The following XIAP variants were observed in gnomAD, a reference collection of about 807,000 sequenced individuals.
The protein encoded by XIAP is E3 ubiquitin-protein ligase XIAP.
In XIAP, 3 loss-of-function variants were observed where a neutral mutation model predicts 33.1. The observed-to-expected ratio is 0.09, with a 90% CI of 0.04 to 0.23. XIAP has a LOEUF of 0.23. Ranked by LOEUF, XIAP falls within the 10% of genes least tolerant of loss-of-function variation. The probability of loss-of-function intolerance (pLI) is 1.00; values close to 1 mark genes in which losing one functional copy is unlikely to be tolerated. For synonymous variants in XIAP, 98 were observed against 121.3 expected (o/e 0.81, Z 1.26); for missense variants, 264 against 363.0 (o/e 0.73, Z 2.22).
In XIAP at chrX:123,911,852, A is replaced by G. The variant is rs1194125841; in HGVS notation, c.*4671A>G. 1 of 327,689 alleles carries G rather than the reference A, an allele frequency of 3.1e-6. No individual in the cohort carries two copies. The highest frequency in any genetic ancestry group is 5.9e-6 in the Non-Finnish European group (1 of 169,760). 27.0% of individuals were successfully genotyped at this position (327,689 alleles called of 1,213,427 possible). Reference sequence around the variant, plus strand: ...CAATGTGAATTTCTTCCTCAGCATAACAGAGTTATAGAATGACAGGGCTGG... The same window carrying G: ...CAATGTGAATTTCTTCCTCAGCATAGCAGAGTTATAGAATGACAGGGCTGG... On this transcript the variant is annotated 3_prime_UTR_variant, in exon 7 of 7. Transcript: ENST00000371199.
At chrX:123,900,934 T>A (rs1258684842) in intron 6 of XIAP, among the ~76,000 whole-genome samples, 1 of 111,959 alleles carries the variant, frequency 8.9e-6, no homozygotes, top group Non-Finnish European at 1.9e-5. Context: ...CTGATTTGGT[T>A]ATTGATGAGG....
intron 3 of XIAP, among the ~76,000 whole-genome samples, chrX:123,889,530 T>C (rs1332393781): frequency 9.2e-6 from 1 of 108,368 alleles, no homozygotes; most frequent in Non-Finnish European, 1.9e-5. Flanking sequence ...TTTCTTTTTT[T>C]TTTTGAGATA....
intron 2 of XIAP, among the ~76,000 whole-genome samples, chrX:123,887,589 A>G (rs141933872): frequency 1.9e-3 from 218 of 112,534 alleles, no homozygotes; most frequent in African/African-American, 6.7e-3. Flanking sequence ...CAATTTCATT[A>G]TGTAGAACTT....
intron 1 of XIAP, among the ~76,000 whole-genome samples, chrX:123,870,116 C>T (rs1470988081): frequency 8.9e-6 from 1 of 112,495 alleles, no homozygotes; most frequent in Admixed American, 9.5e-5. Context: ...CGCGCCACCA[C>T]GCCCAGCTAA....
In XIAP at chrX:123,886,432, C is replaced by T; in HGVS notation, c.770C>T (p.Pro257Leu). The part of the protein sequence containing the change: ...DRNFPNSTNL[P>L]RNPSMADYEA... ...AATTTCCCAAATTCAACAAATCTTC[C>T]AAGAAATCCATCCATGGCAGATTAT... Residue 257 changes from proline to leucine, a missense_variant, in exon 2 of 7, where the codon CCA becomes CTA. Coordinates refer to ENST00000371199, the MANE Select transcript of XIAP (RefSeq NM_001167.4). 8.3e-7 allele frequency: 1 copy of T among 1,211,022 alleles called. No homozygotes were observed. The highest frequency in any genetic ancestry group is 1.1e-6 in the Non-Finnish European group (1 of 895,535).
At chrX:123,894,929 C>T (rs938794582) in intron 5 of XIAP, among the ~76,000 whole-genome samples, 1 of 105,953 alleles carries the variant, frequency 9.4e-6, no homozygotes, top group East Asian at 2.9e-4. Context: ...GGGTGATGGA[C>T]CGAGATTCTA....
At chrX:123,880,165 C>T (rs900713360) in intron 1 of XIAP, among the ~76,000 whole-genome samples, 35 of 109,192 alleles carry the variant, frequency 3.2e-4, no homozygotes, top group African/African-American at 1.1e-3. Context: ...ATAATCCCAG[C>T]ACTTTGGGAG....
chrX:123,891,629 C>G (rs1433060834), intron 4 of XIAP, among the ~76,000 whole-genome samples: 1 of 110,091 alleles, frequency 9.1e-6, no homozygotes, highest in Non-Finnish European at 1.9e-5. Context: ...TCAGCCTAGG[C>G]AACATAGTGA....
At chrX:123,887,999 A>G (rs1372151980) in intron 2 of XIAP, among the ~76,000 whole-genome samples, 2 of 91,400 alleles carry the variant, frequency 2.2e-5, no homozygotes, top group African/African-American at 7.6e-5. Flanking sequence ...AAAAATAATA[A>G]TAATTAATAA....
At position 123,913,088 on chromosome X, in the gene XIAP, A is replaced by AT. The variant is rs1259446472; in HGVS notation, c.*5911dup. 3.1e-6 allele frequency: 1 copy of AT among 324,767 alleles called. No homozygotes were observed. The highest frequency in any genetic ancestry group is 2.7e-5 in the African/African-American group (1 of 37,045). 26.8% of individuals were successfully genotyped at this position (324,767 alleles called of 1,213,427 possible). The stretch of plus-strand genomic sequence containing the variant: ...GAACCACTGCTCCCGGCCTTGTGTG[A>AT]TTTTATCTAAGGGACTTAAGCGTCC... On this transcript the variant is annotated 3_prime_UTR_variant, in exon 7 of 7. Transcript: ENST00000371199.
intron 1 of XIAP, among the ~76,000 whole-genome samples, chrX:123,881,755 TA>T (rs1364418193): frequency 7.9e-5 from 7 of 88,508 alleles, no homozygotes; most frequent in Admixed American, 2.6e-4. Context: ...TTTATACTTC[TA>T]TTTTTTTTTT....
rs2053349614 is a variant in XIAP, at chrX:123,886,166, G to A, written c.504G>A (p.Lys168=). ...TGTATAGTGAAGAAGCTAGATTAAA[G>A]TCCTTTCAGAACTGGCCAGACTATG... is the stretch of plus-strand genomic sequence containing the variant. ...PAMYSEEARL[K]SFQNWPDYAH... The change falls in exon 2 of 7, where the codon AAG becomes AAA. Residue 168 remains lysine (K), a synonymous_variant. Coordinates refer to ENST00000371199, the MANE Select transcript of XIAP (RefSeq NM_001167.4). The A allele has an allele frequency of 8.3e-7, 1 of 1,210,207 alleles. No individual in the cohort carries two copies. The highest frequency in any genetic ancestry group is 1.7e-5 in the African/African-American group (1 of 57,229).
At position 123,886,372 on chromosome X, in the gene XIAP, T is replaced by C; in HGVS notation, c.710T>C (p.Ile237Thr). 5.8e-6 allele frequency: 7 copies of C among 1,211,938 alleles called. No homozygotes were observed. Among genetic ancestry groups the C allele is most frequent in the Non-Finnish European group, 7.8e-6 (7 of 895,595 alleles). ...CFFVLGRNLN[I>T]RSESDAVSSD... is the part of the protein sequence containing the mutation. ...TTTGTTTTGGGCCGGAATCTTAATA[T>C]TCGAAGTGAATCTGATGCTGTGAGT... The change falls in exon 2 of 7, where the codon ATT becomes ACT. Residue 237 changes from isoleucine (I) to threonine (T), a missense_variant. Transcript: ENST00000371199.
At chrX:123,888,757 T>G (rs1317738615) in intron 3 of XIAP, 39 bp downstream of exon 3, 1 of 1,110,620 alleles carries the variant, frequency 9.0e-7, no homozygotes, top group Non-Finnish European at 1.2e-6. Flanking sequence ...GCAAGTTGGA[T>G]AGCATGCAGT....
intron 5 of XIAP, among the ~76,000 whole-genome samples, chrX:123,896,173 T>C (rs1373230238): frequency 9.0e-6 from 1 of 111,205 alleles, no homozygotes; most frequent in East Asian, 2.8e-4. Context: ...CTCAAGCAAT[T>C]CTGCTGCCTC....
Position 123,891,328 on chromosome X carries a change from A to C in XIAP, c.1056+12A>C, listed in dbSNP as rs1289758948. On this transcript the variant is annotated intron_variant, in intron 4 of 6. Transcript: ENST00000371199. ...TTGAGGAGTGTCTGGTAAGTCTCATATAATTTATATTTTCAAATTCACATT... is the reference window on the plus strand; with the variant it reads ...TTGAGGAGTGTCTGGTAAGTCTCATCTAATTTATATTTTCAAATTCACATT... 1 of 863,611 alleles carries C rather than the reference A, an allele frequency of 1.2e-6. No homozygotes were observed. Among genetic ancestry groups the C allele is most frequent in the Non-Finnish European group, 1.7e-6 (1 of 604,141 alleles). The allele number at this position is 863,611 out of a possible 1,213,427, so 71.2% of individuals were successfully genotyped here. A position where few individuals can be genotyped will look rare whatever the true frequency, so the allele number is the denominator to read the frequency against.
chrX:123,896,579 CT>C lies in XIAP; in HGVS notation c.1099+3822del, dbSNP rs749486443. On this transcript the variant is annotated intron_variant, in intron 5 of 6. Coordinates refer to ENST00000371199, the MANE Select transcript of XIAP (RefSeq NM_001167.4). ...TATTTTCTCCCATTCTGTGGGTTTC[CT>C]TTTTTTTTTTTTTTTCCCAAGACGG... Among the ~76,000 whole-genome samples, 129 of 97,213 alleles carry C rather than the reference CT, an allele frequency of 1.3e-3. 1 individual carries two copies. The highest frequency in any genetic ancestry group is 5.2e-3 in the Middle Eastern group (1 of 194). The allele number at this position is 97,213 out of a possible 115,157, so 84.4% of individuals were successfully genotyped here.
At chrX:123,906,799 A>G (rs930788342) in intron 6 of XIAP, among the ~76,000 whole-genome samples, 189 bp from the exon 7 acceptor site, 1 of 111,965 alleles carries the variant, frequency 8.9e-6, no homozygotes, top group Non-Finnish European at 1.9e-5. Context: ...TTAACCTCCT[A>G]GCCTCATCTT....
At chrX:123,896,927 AT>A (rs55979065) in intron 5 of XIAP, among the ~76,000 whole-genome samples, 881 of 75,263 alleles carry the variant, frequency 0.012, 3 homozygotes, top group African/African-American at 0.026. Context: ...AACGTCTTTA[AT>A]TTTTTTTTTT....
Sources: gnomAD v4.1 joint callset for allele counts (sites outside exome capture counted in the v4.1 genomes callset) on GRCh38, gnomAD v4.1.1 for gene constraint, MANE v1.5 for transcripts, NCBI Gene and HGNC (gene_info 2026-07-23, HGNC 2026-07-21) for gene names.